Variants in ENOX1 observed in about 807,000 individuals in gnomAD.
ENOX1 encodes the protein candidate growth-related and time keeping constitutive hydroquinone (NADH) oxidase.
Under a neutral mutation model 82.5 loss-of-function variants are expected in ENOX1, and 42 were observed. That is an observed-to-expected ratio of 0.51 (90% CI 0.40 to 0.66). The LOEUF (loss-of-function observed/expected upper bound fraction) is 0.66, where lower values mean the gene tolerates loss of function less well. Ranked by LOEUF, ENOX1 falls within the 30% of genes least tolerant of loss-of-function variation. ENOX1 has a pLI of 0.00. For missense variants in ENOX1, 608 were observed against 811.6 expected (o/e 0.75, Z 3.05); for synonymous variants, 271 against 282.2 (o/e 0.96, Z 0.40).
At chr13:43,481,390 G>T (rs2058503362) in intron 3 of ENOX1, among the ~76,000 whole-genome samples, 1 of 151,948 alleles carries the variant, frequency 6.6e-6, no homozygotes, top group Non-Finnish European at 1.5e-5. Context: ...TTCAACAAGG[G>T]TTCCAAGACT....
At chr13:43,657,192 C>G (rs1459908252) in intron 2 of ENOX1, among the ~76,000 whole-genome samples, 2 of 152,206 alleles carry the variant, frequency 1.3e-5, no homozygotes, top group Admixed American at 1.3e-4. Context: ...TCCAATAAGA[C>G]TACACAAGAG....
intron 3 of ENOX1, among the ~76,000 whole-genome samples, chr13:43,438,125 C>G (rs1306042080): frequency 6.6e-6 from 1 of 152,112 alleles, no homozygotes; most frequent in Non-Finnish European, 1.5e-5. Flanking sequence ...ACGATGCTAA[C>G]AATGTAGGCA....
intron 2 of ENOX1, among the ~76,000 whole-genome samples, chr13:43,494,300 C>T (rs551549247): frequency 2.6e-4 from 40 of 152,236 alleles, no homozygotes; most frequent in South Asian, 1.0e-3. Context: ...ACATTTATCA[C>T]AATGAATTAT....
intron 5 of ENOX1, among the ~76,000 whole-genome samples, chr13:43,405,827 C>A (rs1334208669): frequency 4.6e-5 from 7 of 152,224 alleles, no homozygotes; most frequent in African/African-American, 1.7e-4. Flanking sequence ...TACAAACATG[C>A]TCTGTAAAAA....
chr13:43,394,988 C>T (rs558577984), intron 5 of ENOX1, among the ~76,000 whole-genome samples: 1 of 152,354 alleles, frequency 6.6e-6, no homozygotes, highest in South Asian at 2.1e-4. Context: ...TGGAAGCACA[C>T]ATTCTACCTC....
intron 3 of ENOX1, among the ~76,000 whole-genome samples, chr13:43,439,563 C>T (rs954424261): frequency 6.6e-6 from 1 of 152,184 alleles, no homozygotes; most frequent in Non-Finnish European, 1.5e-5. Flanking sequence ...CTTCAACTTG[C>T]AGACAGAACA....
At chr13:43,593,706 A>G in intron 2 of ENOX1, among the ~76,000 whole-genome samples, 1 of 144,960 alleles carries the variant, frequency 6.9e-6, no homozygotes, top group African/African-American at 2.6e-5. Flanking sequence ...ACACACACAC[A>G]CACACACACA....
chr13:43,376,487 AG>A lies in ENOX1; in HGVS notation c.209-15036del, dbSNP rs534971563. On this transcript the variant is annotated intron_variant, in intron 5 of 16. Coordinates refer to ENST00000690772, the MANE Select transcript of ENOX1 (RefSeq NM_001347969.2). Reference sequence around the variant, plus strand: ...CATGTCAGGTGCTAAGAACACAGAAAGGTTGAAGACAAGTGTTTAGGCTTCA... The same window carrying A: ...CATGTCAGGTGCTAAGAACACAGAAAGTTGAAGACAAGTGTTTAGGCTTCA... Among the ~76,000 whole-genome samples the A allele has an allele frequency of 5.3e-5, 8 of 152,358 alleles. No homozygotes were observed. The South Asian group carries it at 1.5e-3, about 28-fold the overall frequency.
intron 1 of ENOX1, among the ~76,000 whole-genome samples, chr13:43,749,120 T>C (rs1950178859): frequency 6.6e-6 from 1 of 152,228 alleles, no homozygotes; most frequent in African/African-American, 2.4e-5. Flanking sequence ...TTACCAACAG[T>C]AATTATGTAA....
intron 2 of ENOX1, among the ~76,000 whole-genome samples, chr13:43,532,843 A>G (rs1324799987): frequency 6.6e-6 from 1 of 151,408 alleles, no homozygotes; most frequent in Non-Finnish European, 1.5e-5. Context: ...CTTATGTTAA[A>G]CAATGTGTTT....
At chr13:43,530,817 ACT>A (rs1379974943) in intron 2 of ENOX1, among the ~76,000 whole-genome samples, 4 of 152,116 alleles carry the variant, frequency 2.6e-5, no homozygotes. Context: ...ATGAAAAATT[ACT>A]GTTACACCCT....
chr13:43,681,908 T>C (rs1012073872), intron 1 of ENOX1, among the ~76,000 whole-genome samples: 2 of 152,082 alleles, frequency 1.3e-5, no homozygotes, highest in Admixed American at 1.3e-4. Flanking sequence ...CTAACCCCAC[T>C]GCCTGCCCAT....
intron 2 of ENOX1, among the ~76,000 whole-genome samples, chr13:43,523,253 C>T (rs1452827615): frequency 1.3e-5 from 2 of 152,054 alleles, no homozygotes; most frequent in Non-Finnish European, 2.9e-5. Flanking sequence ...ATGAGGTTTC[C>T]AAGAAATGGG....
intron 11 of ENOX1, among the ~76,000 whole-genome samples, chr13:43,308,535 G>T (rs1029720533): frequency 6.6e-6 from 1 of 152,076 alleles, no homozygotes; most frequent in Non-Finnish European, 1.5e-5. Flanking sequence ...AATTTTTCAG[G>T]TAGCAATATT....
In ENOX1 at chr13:43,520,526, C is replaced by T. The variant is rs558728409; in HGVS notation, c.-218-36374G>A. On this transcript the variant is annotated intron_variant, in intron 2 of 16. Coordinates refer to ENST00000690772, the MANE Select transcript of ENOX1 (RefSeq NM_001347969.2). ...AAGAAACTAGGCTAGCTGGGTGGGG[C>T]CCAAAAATGATATGATATCATCTTT... 2.0e-5 allele frequency among the ~76,000 whole-genome samples: 3 copies of T among 152,216 alleles called. No individual in the cohort carries two copies. In the East Asian group the frequency reaches 5.8e-4, roughly 29 times the overall value.
rs372862762 is a variant in ENOX1, at chr13:43,318,502, C to T, written c.1261+3882G>A. The stretch of plus-strand genomic sequence containing the variant: ...AAAGCTCTCTGGGCCATGGCCTGTT[C>T]GCCATGTGACACTGAATTTTGTACG... On this transcript the variant is annotated intron_variant, in intron 11 of 16. Transcript: ENST00000690772. Among the ~76,000 whole-genome samples the T allele has an allele frequency of 4.6e-5, 7 of 152,284 alleles. No individual in the cohort carries two copies. The East Asian group carries it at 5.8e-4, about 13-fold the overall frequency.
chr13:43,784,015 C>G (rs1952429792), intron 1 of ENOX1, among the ~76,000 whole-genome samples: 1 of 152,180 alleles, frequency 6.6e-6, no homozygotes, highest in Non-Finnish European at 1.5e-5. Flanking sequence ...CAACAAAATA[C>G]TATTGTCTGT....
At chr13:43,438,580 G>A (rs991814156) in intron 3 of ENOX1, among the ~76,000 whole-genome samples, 1 of 152,164 alleles carries the variant, frequency 6.6e-6, no homozygotes, top group Non-Finnish European at 1.5e-5. Context: ...TTTCCACAGA[G>A]CAATCAAATG....
rs2043472114 is a variant in ENOX1, at chr13:43,251,828, C to A, written c.1611+13570G>T. 2.0e-5 allele frequency among the ~76,000 whole-genome samples: 3 copies of A among 152,236 alleles called. No individual in the cohort carries two copies. In the South Asian group the frequency reaches 6.2e-4, roughly 32 times the overall value. ...GCCAACATTTTTTCTGAATACCAGG[C>A]TGATGGTTATTCCATTTTCACCAAG... On this transcript the variant is annotated intron_variant, in intron 14 of 16. Coordinates refer to ENST00000690772, the MANE Select transcript of ENOX1 (RefSeq NM_001347969.2).
Sources: allele counts gnomAD v4.1 joint callset (sites outside exome capture counted in the v4.1 genomes callset), GRCh38; gene constraint gnomAD v4.1.1; transcripts MANE v1.5; gene names NCBI Gene and HGNC (gene_info 2026-07-23, HGNC 2026-07-21).